CNTN5: variants seen among roughly 807,000 people sequenced by gnomAD.
The protein encoded by CNTN5 is contactin-5.
CNTN5 carries 77 observed loss-of-function variants against 129.1 expected under a neutral mutation model. That is an observed-to-expected ratio of 0.60 (90% CI 0.50 to 0.72). CNTN5 has a LOEUF of 0.72. CNTN5 is among the 30% of genes least tolerant of loss of function. CNTN5 has a pLI of 0.00. For synonymous variants in CNTN5, 509 were observed against 465.6 expected, an observed-to-expected ratio of 1.09 and a Z score of -1.20; for missense variants, 1,478 against 1,328.8, an observed-to-expected ratio of 1.11 and a Z score of -1.75.
chr11:99,531,267 AC>A (rs1430888591), intron 2 of CNTN5, among the ~76,000 whole-genome samples: 1 of 152,116 alleles, frequency 6.6e-6, no homozygotes, highest in Admixed American at 6.5e-5. Flanking sequence ...GATTTGCGGA[AC>A]TTTGAACTTG....
chr11:99,668,286 G>T (rs1952882746), intron 3 of CNTN5, among the ~76,000 whole-genome samples: 2 of 152,150 alleles, frequency 1.3e-5, no homozygotes, highest in African/African-American at 4.8e-5. Flanking sequence ...ATTCTATGAT[G>T]CCTCACGCTG....
rs1591549679 is a variant in CNTN5 at position 99,344,621 on chromosome 11, G to C, written c.-71+19137G>C. 2.6e-5 allele frequency among the ~76,000 whole-genome samples: 4 copies of C among 152,050 alleles called. No individual in the cohort carries two copies. In the South Asian group the frequency reaches 8.3e-4, roughly 32 times the overall value. On this transcript the variant is annotated intron_variant, in intron 2 of 24. Coordinates refer to ENST00000524871, the MANE Select transcript of CNTN5 (RefSeq NM_014361.4). ...AGCAAAGCAGATCATATAAATAAGA[G>C]CAAAATAAGTAAATAGAATGGCTAT... is the stretch of plus-strand genomic sequence containing the variant.
chr11:99,763,703 G>C (rs1305134149), intron 3 of CNTN5, among the ~76,000 whole-genome samples: 1 of 151,982 alleles, frequency 6.6e-6, no homozygotes, highest in Non-Finnish European at 1.5e-5. Context: ...TTAAGCAGCT[G>C]CTTACAAAAA....
intron 2 of CNTN5, among the ~76,000 whole-genome samples, chr11:99,356,576 T>C (rs76843614): frequency 2.7e-3 from 411 of 152,336 alleles, no homozygotes; most frequent in African/African-American, 9.5e-3. Flanking sequence ...TGACTTCGTT[T>C]TTCAAACACT....
At chr11:99,627,506 A>G (rs1393401881) in intron 3 of CNTN5, among the ~76,000 whole-genome samples, 1 of 152,192 alleles carries the variant, frequency 6.6e-6, no homozygotes, top group African/African-American at 2.4e-5. Flanking sequence ...AGTTCCTGCT[A>G]CAAGTGAAAA....
At chr11:99,519,109 C>G (rs572490340) in intron 2 of CNTN5, among the ~76,000 whole-genome samples, 1 of 152,054 alleles carries the variant, frequency 6.6e-6, no homozygotes, top group Admixed American at 6.6e-5. Flanking sequence ...TCACTAGGCT[C>G]TGCCTAATCA....
intron 3 of CNTN5, among the ~76,000 whole-genome samples, chr11:99,602,491 T>G (rs530055164): frequency 3.3e-5 from 5 of 152,202 alleles, no homozygotes; most frequent in African/African-American, 1.2e-4. Context: ...ATTGTATTGA[T>G]CAGGCACATT....
chr11:100,313,176 TTTTC>T (rs1951506002), intron 21 of CNTN5, among the ~76,000 whole-genome samples: 1 of 152,010 alleles, frequency 6.6e-6, no homozygotes, highest in South Asian at 2.1e-4. Context: ...CGATTTATGT[TTTTC>T]TTTTTTTTAA....
chr11:99,992,858 C>T (rs1023183355), intron 8 of CNTN5, among the ~76,000 whole-genome samples: 5 of 152,140 alleles, frequency 3.3e-5, no homozygotes, highest in African/African-American at 1.2e-4. Context: ...AATTTAAGGT[C>T]ATCTTCTAAT....
rs1321570817 is a variant in CNTN5, at chr11:100,090,440, C to CCTTT, written c.1580+16149_1580+16150insTCTT. Among the ~76,000 whole-genome samples, 14 of 146,036 alleles carry CCTTT rather than the reference C, an allele frequency of 9.6e-5. No individual in the cohort carries two copies. The East Asian group carries it at 2.8e-3, about 30-fold the overall frequency. On this transcript the variant is annotated intron_variant, in intron 13 of 24. Transcript: ENST00000524871. ...TCTTTTCTGCCTGCCTGCCTTCCTT[C>CCTTT]CTTCCTTCCTCTCTTTCTCTTTCTT...
intron 2 of CNTN5, among the ~76,000 whole-genome samples, chr11:99,426,140 T>G (rs1943109060): frequency 6.6e-6 from 1 of 152,198 alleles, no homozygotes; most frequent in Non-Finnish European, 1.5e-5. Context: ...CTGTATGATT[T>G]TATTATACCA....
chr11:99,991,201 C>A (rs546954273), intron 8 of CNTN5, among the ~76,000 whole-genome samples: 1 of 152,210 alleles, frequency 6.6e-6, no homozygotes, highest in South Asian at 2.1e-4. Flanking sequence ...GGCGTGGTGG[C>A]TCACGCCTGT....
chr11:99,761,403 C>T (rs1470486923), intron 3 of CNTN5, among the ~76,000 whole-genome samples: 1 of 152,140 alleles, frequency 6.6e-6, no homozygotes, highest in Non-Finnish European at 1.5e-5. Context: ...TCTCCCAATG[C>T]TATCCATCCC....
At chr11:99,852,924 G>A (rs914380349) in intron 6 of CNTN5, among the ~76,000 whole-genome samples, 4 of 152,066 alleles carry the variant, frequency 2.6e-5, no homozygotes, top group Non-Finnish European at 4.4e-5. Flanking sequence ...AAGAACAATA[G>A]ACATTTTAAA....
rs75595661 is a variant in CNTN5 at position 99,848,292 on chromosome 11, A to G, written c.577+3030A>G. Among the ~76,000 whole-genome samples the G allele has an allele frequency of 5.4e-3, 815 of 152,284 alleles. 6 individuals carry two copies. Among genetic ancestry groups the G allele is most frequent in the African/African-American group, 0.019 (773 of 41,546 alleles). On this transcript the variant is annotated intron_variant, in intron 6 of 24. Coordinates refer to ENST00000524871, the MANE Select transcript of CNTN5 (RefSeq NM_014361.4). Reference sequence around the variant, plus strand: ...TTCTGAAGACCAGGCTTGTAGGTCAATATATTTAATAGAATATACTCACTG... The same window carrying G: ...TTCTGAAGACCAGGCTTGTAGGTCAGTATATTTAATAGAATATACTCACTG...
chr11:100,205,952 G>A (rs1486236855), intron 15 of CNTN5, among the ~76,000 whole-genome samples: 1 of 152,008 alleles, frequency 6.6e-6, no homozygotes, highest in Non-Finnish European at 1.5e-5. Context: ...TCACACACTA[G>A]GCACTATTCA....
intron 23 of CNTN5, among the ~76,000 whole-genome samples, chr11:100,350,226 A>T (rs375392638): frequency 6.6e-6 from 1 of 151,720 alleles, no homozygotes. Flanking sequence ...GAGCTTTCCA[A>T]ACTTCCTTAG....
chr11:100,237,597 C>T (rs920065186), intron 16 of CNTN5, among the ~76,000 whole-genome samples: 4 of 151,988 alleles, frequency 2.6e-5, no homozygotes, highest in Non-Finnish European at 5.9e-5. Context: ...TTTGGAATTA[C>T]AAAGACGATT....
chr11:99,302,981 G>T (rs1591493239), intron 1 of CNTN5, among the ~76,000 whole-genome samples: 1 of 151,392 alleles, frequency 6.6e-6, no homozygotes, highest in Middle Eastern at 3.4e-3. Context: ...ATACAACATT[G>T]CATGTACATA....
Sources: allele counts gnomAD v4.1 joint callset (sites outside exome capture counted in the v4.1 genomes callset), GRCh38; gene constraint gnomAD v4.1.1; transcripts MANE v1.5; gene names NCBI Gene and HGNC (gene_info 2026-07-23, HGNC 2026-07-21).